The following SOS1 variants were observed in gnomAD, a reference collection of about 807,000 sequenced individuals.
SOS1 encodes SOS Ras/Rac guanine nucleotide exchange factor 1, also known as son of sevenless homolog 1.
Under a neutral mutation model 157.6 loss-of-function variants are expected in SOS1, and 25 were observed. That is an observed-to-expected ratio of 0.16 (90% confidence interval 0.12 to 0.22). The LOEUF (loss-of-function observed/expected upper bound fraction) is 0.22. Ranked by LOEUF, SOS1 falls within the 10% of genes least tolerant of loss-of-function variation. The probability of loss-of-function intolerance (pLI) is 1.00; values close to 1 mark genes in which losing one functional copy is unlikely to be tolerated. For missense variants in SOS1, 1,237 were observed against 1,599.1 expected (o/e 0.77, Z 3.86); for synonymous variants, 528 against 534.0 (o/e 0.99, Z 0.16).
chr2:39,009,030 A>C (rs892954805), intron 15 of SOS1, among the ~76,000 whole-genome samples: 1 of 152,194 alleles, frequency 6.6e-6, no homozygotes, highest in African/African-American at 2.4e-5. Flanking sequence ...ATTTAACAAC[A>C]GTAACAAAAA....
intron 18 of SOS1, 66 bp downstream of exon 18, chr2:38,997,187 C>T: frequency 7.5e-7 from 1 of 1,325,776 alleles, no homozygotes; most frequent in Non-Finnish European, 1.1e-6. Context: ...ATAAAATAAA[C>T]CTGCCTTTTA....
Position 39,022,626 on chromosome 2 carries a change from A to G in SOS1, c.1802T>C (p.Ile601Thr), listed in dbSNP as rs1558474155. 3.7e-6 allele frequency: 6 copies of G among 1,613,318 alleles called. No homozygotes were observed. The highest frequency in any genetic ancestry group is 2.2e-5 in the East Asian group (1 of 44,882). The change falls in exon 10 of 23, where the codon ATC becomes ACC. Residue 601 changes from isoleucine to threonine, a missense_variant. This residue lies in a region of SOS1 where 210 missense variants were observed against 220.2 expected (regional missense o/e 0.95). Transcript: ENST00000402219. ...NMQPKAGIPI[I>T]KAGTVIKLIE... is the part of the protein sequence containing the mutation. ...AAGTTTAATAACAGTTCCTGCTTTG[A>G]TAATTGGAATTCCAGCCTTGGGCTG...
chr2:39,006,072 G>C (rs775454665), intron 17 of SOS1, among the ~76,000 whole-genome samples: 6 of 152,110 alleles, frequency 3.9e-5, no homozygotes, highest in Admixed American at 1.3e-4. Flanking sequence ...TTAGCCATGT[G>C]AAACTGTTTA....
chr2:39,087,391 GGTC>G (rs1330137852), intron 1 of SOS1, among the ~76,000 whole-genome samples: 28 of 152,166 alleles, frequency 1.8e-4, no homozygotes, highest in Admixed American at 1.3e-3. Context: ...ATAATAAAGT[GGTC>G]TTAAGTCTAT....
At chr2:39,119,199 C>G (rs567607235) in intron 1 of SOS1, among the ~76,000 whole-genome samples, 2 of 152,258 alleles carry the variant, frequency 1.3e-5, no homozygotes, top group South Asian at 4.1e-4. Flanking sequence ...ATCTTTTCTT[C>G]TGTTTTTTAA....
rs150812752 is a variant in SOS1 at position 39,084,646 on chromosome 2, T to C, written c.88-16893A>G. ...ATATAAATTTAATTAAAAATTTTCATTGGTATGTGGTTTACGCCAGTGTAT... is the reference window on the plus strand; with the variant it reads ...ATATAAATTTAATTAAAAATTTTCACTGGTATGTGGTTTACGCCAGTGTAT... On this transcript the variant is annotated intron_variant, in intron 1 of 22. Coordinates refer to ENST00000402219, the MANE Select transcript of SOS1 (RefSeq NM_005633.4). Among the ~76,000 whole-genome samples the C allele has an allele frequency of 8.2e-3, 1,248 of 152,324 alleles. 7 individuals are homozygous for C. Among genetic ancestry groups the C allele is most frequent in the Middle Eastern group, 0.014 (4 of 294 alleles).
At chr2:39,065,309 A>G (rs973295084) in intron 2 of SOS1, among the ~76,000 whole-genome samples, 71 of 152,302 alleles carry the variant, frequency 4.7e-4, no homozygotes, top group African/African-American at 1.6e-3. Context: ...GCTGAAACCT[A>G]AACTCCACTG....
intron 6 of SOS1, 150 bp downstream of exon 6, chr2:39,050,994 T>C: frequency 1.3e-6 from 1 of 743,314 alleles, no homozygotes; most frequent in African/African-American, 1.8e-5. Context: ...AAACATATGT[T>C]GACAATGACC....
At chr2:39,109,676 C>T (rs1204006348) in intron 1 of SOS1, among the ~76,000 whole-genome samples, 1 of 152,224 alleles carries the variant, frequency 6.6e-6, no homozygotes, top group Non-Finnish European at 1.5e-5. Flanking sequence ...CTAGTCATAA[C>T]ATCTTGTGCA....
At chr2:39,014,116 A>G (rs1385756802) in intron 11 of SOS1, 127 bp from the exon 12 acceptor site, 9 of 670,664 alleles carry the variant, frequency 1.3e-5, no homozygotes, top group Middle Eastern at 4.0e-4. Context: ...GAAGATATGC[A>G]TATCAGTGTA....
At chr2:39,030,290 G>T (rs148093007) in intron 8 of SOS1, among the ~76,000 whole-genome samples, 162 of 150,938 alleles carry the variant, frequency 1.1e-3, no homozygotes, top group African/African-American at 3.7e-3. Context: ...AAGGCTGGGT[G>T]CATTGGCTCA....
At chr2:39,079,270 TAA>T (rs1258881245) in intron 1 of SOS1, among the ~76,000 whole-genome samples, 1 of 151,950 alleles carries the variant, frequency 6.6e-6, no homozygotes, top group East Asian at 1.9e-4. Flanking sequence ...GGCAAAAATA[TAA>T]GTTACAGAAC....
At chr2:39,083,072 G>A (rs1396584301) in intron 1 of SOS1, among the ~76,000 whole-genome samples, 2 of 152,114 alleles carry the variant, frequency 1.3e-5, no homozygotes, top group Non-Finnish European at 2.9e-5. Flanking sequence ...TATATAAATA[G>A]GCAGTTCTAG....
chr2:39,062,435 T>TAAAAA (rs397974197), intron 2 of SOS1, among the ~76,000 whole-genome samples: 15 of 138,468 alleles, frequency 1.1e-4, no homozygotes, highest in African/African-American at 2.4e-4. Flanking sequence ...AAAAAAAAAT[T>TAAAAA]AAAAAAAAAA....
chr2:39,062,959 C>T (rs978808016), intron 2 of SOS1, among the ~76,000 whole-genome samples: 4 of 152,010 alleles, frequency 2.6e-5, no homozygotes, highest in Non-Finnish European at 5.9e-5. Flanking sequence ...ATAATATATA[C>T]CCTTCTTCTG....
intron 1 of SOS1, among the ~76,000 whole-genome samples, chr2:39,083,654 CT>C (rs1175520378): frequency 2.0e-5 from 3 of 152,200 alleles, no homozygotes; most frequent in Non-Finnish European, 2.9e-5. Context: ...ACTGATAAGA[CT>C]TTTTGAAAAG....
chr2:39,022,932 A>G lies in SOS1; in HGVS notation c.1496T>C (p.Val499Ala), dbSNP rs747840148. 5 of 1,613,148 alleles carry G rather than the reference A, an allele frequency of 3.1e-6. No individual in the cohort carries two copies. The African/African-American group carries it at 5.3e-5, about 17-fold the overall frequency. ...GGTGTCATCTTTATCATTAATTTGTACCTTTCGCATAAAAAACTTTTCTTT... is the reference window on the plus strand; with the variant it reads ...GGTGTCATCTTTATCATTAATTTGTGCCTTTCGCATAAAAAACTTTTCTTT... ...RLKEKFFMRKVQINDKDDTNE... is the reference protein window; with the variant it reads ...RLKEKFFMRKAQINDKDDTNE... Residue 499 changes from valine (V) to alanine (A), a missense_variant, in exon 10 of 23, where the codon GTA (valine) becomes GCA (alanine). Transcript: ENST00000402219.
rs1223810902 is a variant in SOS1 at position 39,106,610 on chromosome 2, AAAACAAAAC to A, written c.87+13717_87+13725del. On this transcript the variant is annotated intron_variant, in intron 1 of 22. Transcript: ENST00000402219. ...CGTCTCAAAAAAAAAAACAAAAAAA[AAAACAAAAC>A]ATCTGAGTAATTCAGGGTCCATAAA... is the stretch of plus-strand genomic sequence containing the variant. 4.0e-5 allele frequency among the ~76,000 whole-genome samples: 6 copies of A among 149,152 alleles called. 1 individual carries two copies. The highest frequency in any genetic ancestry group is 1.5e-4 in the African/African-American group (6 of 38,900).
At chr2:38,995,807 A>C (rs898809350) in intron 19 of SOS1, among the ~76,000 whole-genome samples, 3 of 152,192 alleles carry the variant, frequency 2.0e-5, no homozygotes, top group Non-Finnish European at 4.4e-5. Flanking sequence ...CATCAGGACC[A>C]TTTGAGATAT....
Sources: allele counts gnomAD v4.1 joint callset (sites outside exome capture counted in the v4.1 genomes callset), GRCh38; gene constraint gnomAD v4.1.1; regional missense constraint gnomAD v4.1.1; transcripts MANE v1.5; gene names NCBI Gene and HGNC (gene_info 2026-07-23, HGNC 2026-07-21).